The following TAFA1 variants were observed in gnomAD, a reference collection of about 807,000 sequenced individuals.
TAFA1 encodes the protein TAFA chemokine like family member 1.
TAFA1 carries 4 observed loss-of-function variants against 18.5 expected under a neutral mutation model. That is an observed-to-expected ratio of 0.22 (90% CI 0.11 to 0.49). The LOEUF (loss-of-function observed/expected upper bound fraction) is 0.49, where lower values mean the gene tolerates loss of function less well. Ranked by LOEUF, TAFA1 falls within the 20% of genes least tolerant of loss-of-function variation. The pLI is 0.98. For synonymous variants in TAFA1, 56 were observed against 55.2 expected (o/e 1.01, Z -0.06); for missense variants, 147 against 169.0 (o/e 0.87, Z 0.72).
At chr3:68,139,840 G>A (rs1429374258) in intron 2 of TAFA1, among the ~76,000 whole-genome samples, 2 of 152,132 alleles carry the variant, frequency 1.3e-5, no homozygotes, top group South Asian at 4.1e-4. Flanking sequence ...GAATACAGTG[G>A]TTAAGAGTAC....
At chr3:68,105,655 G>A (rs559819476) in intron 2 of TAFA1, among the ~76,000 whole-genome samples, 7 of 152,014 alleles carry the variant, frequency 4.6e-5, no homozygotes, top group East Asian at 3.9e-4. Context: ...CAAATTTCAC[G>A]TGAGAAATAA....
chr3:68,196,253 A>G (rs1386613572), intron 2 of TAFA1, among the ~76,000 whole-genome samples: 2 of 151,774 alleles, frequency 1.3e-5, no homozygotes, highest in African/African-American at 4.8e-5. Flanking sequence ...TGGAAATAGT[A>G]TGTTCATACC....
chr3:68,041,676 A>T (rs1244985216), intron 2 of TAFA1, among the ~76,000 whole-genome samples: 1 of 152,226 alleles, frequency 6.6e-6, no homozygotes, highest in Non-Finnish European at 1.5e-5. Context: ...ACAGTCAGCC[A>T]GAGCTTTCGG....
chr3:68,068,850 T>C (rs2064716435), intron 2 of TAFA1, among the ~76,000 whole-genome samples: 1 of 152,196 alleles, frequency 6.6e-6, no homozygotes. Flanking sequence ...TTGGAGCACG[T>C]ATTATGTGAG....
chr3:68,481,031 G>A (rs1478750506), intron 3 of TAFA1, among the ~76,000 whole-genome samples: 1 of 152,118 alleles, frequency 6.6e-6, no homozygotes, highest in Non-Finnish European at 1.5e-5. Context: ...ATGATTGTGA[G>A]GCCTTCCCAG....
chr3:68,093,454 G>T (rs1017952197), intron 2 of TAFA1, among the ~76,000 whole-genome samples: 14 of 152,118 alleles, frequency 9.2e-5, no homozygotes, highest in South Asian at 6.2e-4. Context: ...GGCCCTTCTT[G>T]GTTCTTAAAT....
At chr3:68,286,926 C>G (rs972599051) in intron 2 of TAFA1, among the ~76,000 whole-genome samples, 1 of 152,196 alleles carries the variant, frequency 6.6e-6, no homozygotes, top group Non-Finnish European at 1.5e-5. Flanking sequence ...GTTAACAGGG[C>G]CATCCTTGGT....
At chr3:68,479,434 G>A (rs917669716) in intron 3 of TAFA1, among the ~76,000 whole-genome samples, 4 of 151,748 alleles carry the variant, frequency 2.6e-5, no homozygotes, top group Non-Finnish European at 1.5e-5. Flanking sequence ...TGTCCTAAAT[G>A]CAAGACTTCC....
At chr3:68,262,355 A>T (rs1242251526) in intron 2 of TAFA1, among the ~76,000 whole-genome samples, 18 of 86,728 alleles carry the variant, frequency 2.1e-4, no homozygotes, top group African/African-American at 7.0e-4. Context: ...ATATATATAT[A>T]TATTTCATGG....
intron 2 of TAFA1, among the ~76,000 whole-genome samples, chr3:68,122,179 T>G (rs566430503): frequency 6.6e-6 from 1 of 151,854 alleles, no homozygotes; most frequent in South Asian, 2.1e-4. Context: ...AGGTCTCTGA[T>G]ATGACTGTTC....
At chr3:68,135,865 T>G (rs905850126) in intron 2 of TAFA1, among the ~76,000 whole-genome samples, 9 of 152,160 alleles carry the variant, frequency 5.9e-5, no homozygotes, top group East Asian at 3.9e-4. Flanking sequence ...TCACACATAT[T>G]TGGGGGGAGG....
intron 2 of TAFA1, among the ~76,000 whole-genome samples, chr3:68,086,211 G>T (rs1334928066): frequency 6.6e-6 from 1 of 152,162 alleles, no homozygotes; most frequent in African/African-American, 2.4e-5. Context: ...AAGTAGACTA[G>T]GGTCACAGAC....
chr3:68,184,618 A>T (rs1479522901), intron 2 of TAFA1, among the ~76,000 whole-genome samples: 1 of 152,146 alleles, frequency 6.6e-6, no homozygotes. Context: ...ATTAGCTCCA[A>T]TATATACTGG....
intron 2 of TAFA1, among the ~76,000 whole-genome samples, chr3:68,009,537 G>C (rs1704429727): frequency 6.6e-6 from 1 of 152,144 alleles, no homozygotes; most frequent in Non-Finnish European, 1.5e-5. Flanking sequence ...TAATACATCT[G>C]AGACCCATTT....
intron 2 of TAFA1, among the ~76,000 whole-genome samples, chr3:68,402,139 T>G (rs2106749832): frequency 6.6e-6 from 1 of 152,298 alleles, no homozygotes; most frequent in African/African-American, 2.4e-5. Context: ...TTGAAATTAG[T>G]GAGCATGAGA....
intron 2 of TAFA1, among the ~76,000 whole-genome samples, chr3:68,088,011 A>G (rs1442546281): frequency 6.6e-6 from 1 of 152,158 alleles, no homozygotes; most frequent in Non-Finnish European, 1.5e-5. Flanking sequence ...TTTCGGTACT[A>G]CTATGATAAA....
intron 2 of TAFA1, among the ~76,000 whole-genome samples, chr3:68,078,030 CT>C (rs2064848960): frequency 6.6e-6 from 1 of 151,872 alleles, no homozygotes; most frequent in South Asian, 2.1e-4. Flanking sequence ...CTTCACATCC[CT>C]TGTAAGCTGG....
chr3:68,355,623 C>T (rs1457576540), intron 2 of TAFA1, among the ~76,000 whole-genome samples: 8 of 151,866 alleles, frequency 5.3e-5, no homozygotes, highest in South Asian at 2.1e-4. Flanking sequence ...TCCCAGACTG[C>T]GTCATAATTG....
At chr3:68,204,071 G>T (rs1331795396) in intron 2 of TAFA1, among the ~76,000 whole-genome samples, 4 of 151,246 alleles carry the variant, frequency 2.6e-5, no homozygotes. Flanking sequence ...CTTGTTGCTG[G>T]GAGCTTTTTG....
Sources: gnomAD v4.1 joint callset for allele counts (sites outside exome capture counted in the v4.1 genomes callset) on GRCh38, gnomAD v4.1.1 for gene constraint, MANE v1.5 for transcripts, NCBI Gene and HGNC (gene_info 2026-07-23, HGNC 2026-07-21) for gene names.